Variants in PRSS23 observed in about 807,000 individuals in gnomAD.
PRSS23 encodes protease, serine 23.
PRSS23 carries 25 observed loss-of-function variants against 34.7 expected under a neutral mutation model. The observed-to-expected ratio is 0.72, with a 90% CI of 0.53 to 1.01. The LOEUF is 1.01. Among genes scored for constraint, PRSS23 ranks in the 50% least tolerant of loss-of-function variants. The pLI is 0.00. For missense variants in PRSS23, 445 were observed against 475.6 expected (o/e 0.94, Z 0.60); for synonymous variants, 176 against 186.6 (o/e 0.94, Z 0.46).
At chr11:86,952,425 T>C (rs1049798289) in exon 3 of PRSS23, 4 of 1,613,930 alleles carry the variant, frequency 2.5e-6, no homozygotes, top group African/African-American at 1.3e-5. Context: ...ATGGGGATGT[T>C]GATCTTCTCT....
At chr11:86,909,162 C>T (rs1948962084) in intron 2 of PRSS23, 1 of 152,162 alleles carries the variant, frequency 6.6e-6, no homozygotes, top group Admixed American at 6.5e-5. Flanking sequence ...CACAGCCTGC[C>T]TGGCCTTGTG....
intron 2 of PRSS23, chr11:86,892,266 G>C (rs1285641397): frequency 6.6e-6 from 1 of 152,230 alleles, no homozygotes; most frequent in Non-Finnish European, 1.5e-5. Flanking sequence ...TGGGACACTT[G>C]GTCATCTCTC....
rs561598053 is a variant in PRSS23 at position 86,860,243 on chromosome 11, T to C, written c.206+36650T>C. 4.6e-5 allele frequency among the ~76,000 whole-genome samples: 7 copies of C among 152,084 alleles called. No individual in the cohort carries two copies. In the East Asian group the frequency reaches 7.8e-4, roughly 17 times the overall value. ...ACCCCCTGTGATATTGTCGCTCATATCCAGTGAGGGAGAAAATAATATTAC... is the reference window on the plus strand; with the variant it reads ...ACCCCCTGTGATATTGTCGCTCATACCCAGTGAGGGAGAAAATAATATTAC... On this transcript the variant is annotated intron_variant, in intron 2 of 2. Coordinates refer to the PRSS23 transcript ENST00000533902.
exon 3 of PRSS23, chr11:86,952,123 G>A: frequency 6.2e-7 from 1 of 1,613,756 alleles, no homozygotes; most frequent in South Asian, 1.1e-5. Flanking sequence ...CTGAGCGGCT[G>A]TATAAGCCAG....
At position 86,875,358 on chromosome 11, in the gene PRSS23, C is replaced by T. The variant is rs535731317; in HGVS notation, c.206+51765C>T. On this transcript the variant is annotated intron_variant, in intron 2 of 2. Transcript: ENST00000533902. ...TGCACTCCAGCCTGGGCAACAAGAG[C>T]GAAACTCTGTCTCAAAAATATATAT... is the stretch of plus-strand genomic sequence containing the variant. 6.4e-4 allele frequency among the ~76,000 whole-genome samples: 97 copies of T among 151,958 alleles called. 1 individual carries two copies. The highest frequency in any genetic ancestry group is 4.8e-3 in the Admixed American group (74 of 15,264).
chr11:86,856,767 A>G (rs1948574466), intron 2 of PRSS23, among the ~76,000 whole-genome samples: 1 of 152,204 alleles, frequency 6.6e-6, no homozygotes. Flanking sequence ...TACTTCCTGT[A>G]TATAAAAAGA....
At chr11:86,799,035 A>G (rs1948000947), upstream of PRSS23, among the ~76,000 whole-genome samples, 1 of 152,244 alleles carries the variant, frequency 6.6e-6, no homozygotes, top group African/African-American at 2.4e-5. Flanking sequence ...AAAGAAAACA[A>G]TTGAAGCTAA....
chr11:86,822,345 G>C (rs1269109787), intron 1 of PRSS23, among the ~76,000 whole-genome samples: 1 of 152,152 alleles, frequency 6.6e-6, no homozygotes, highest in Non-Finnish European at 1.5e-5. Context: ...CTAGAGCCAG[G>C]CATGGTGGCT....
rs772097050 is a variant in PRSS23, at chr11:86,952,401, C to T, written c.*1116C>T. 9 of 1,614,070 alleles carry T rather than the reference C, an allele frequency of 5.6e-6. No homozygotes were observed. The highest frequency in any genetic ancestry group is 2.7e-5 in the African/African-American group (2 of 75,030). On this transcript the variant is annotated 3_prime_UTR_variant, in exon 3 of 3. Transcript: ENST00000533902. Reference sequence around the variant, plus strand: ...CGTCTCTTGACTGAAAGACACATGCCGCCGCATGGGCCAATGGGGATGTTG... The same window carrying T: ...CGTCTCTTGACTGAAAGACACATGCTGCCGCATGGGCCAATGGGGATGTTG...
chr11:86,798,574 T>C (rs1334260259), upstream of PRSS23, among the ~76,000 whole-genome samples: 1 of 152,226 alleles, frequency 6.6e-6, no homozygotes, highest in Non-Finnish European at 1.5e-5. Context: ...GCAATGCTGA[T>C]AGTAGTCCAG....
At chr11:86,853,251 T>C (rs1948544077) in intron 2 of PRSS23, among the ~76,000 whole-genome samples, 1 of 104,558 alleles carries the variant, frequency 9.6e-6, no homozygotes, top group Admixed American at 9.3e-5. Context: ...CCTTTTTTTT[T>C]TTTTTTTTTT....
intron 2 of PRSS23, among the ~76,000 whole-genome samples, chr11:86,913,820 T>C (rs2134996049): frequency 6.6e-6 from 1 of 151,426 alleles, no homozygotes; most frequent in African/African-American, 2.4e-5. Flanking sequence ...GACCAGAGGT[T>C]GAACCCTGGA....
chr11:86,828,072 C>T (rs1435006835), intron 2 of PRSS23, among the ~76,000 whole-genome samples: 2 of 152,204 alleles, frequency 1.3e-5, no homozygotes, highest in Non-Finnish European at 2.9e-5. Context: ...TCTCATTGAT[C>T]TGTCTAATGT....
intron 1 of PRSS23, among the ~76,000 whole-genome samples, chr11:86,806,412 A>T (rs1019043654): frequency 5.3e-5 from 8 of 152,224 alleles, no homozygotes; most frequent in Non-Finnish European, 7.3e-5. Flanking sequence ...TAGAGGGTAA[A>T]TTTAAATTAC....
intron 2 of PRSS23, among the ~76,000 whole-genome samples, chr11:86,907,055 TTTGTG>T (rs1948948200): frequency 6.6e-6 from 1 of 152,214 alleles, no homozygotes; most frequent in Admixed American, 6.5e-5. Context: ...GTTGTTTTTA[TTTGTG>T]TACATCCAGG....
At chr11:86,831,825 G>T (rs553661409) in intron 2 of PRSS23, among the ~76,000 whole-genome samples, 10 of 152,080 alleles carry the variant, frequency 6.6e-5, no homozygotes, top group African/African-American at 2.4e-4. Flanking sequence ...TATACACCCT[G>T]TCATATTATT....
At chr11:86,944,232 CCT>C (rs1949225480) in intron 2 of PRSS23, among the ~76,000 whole-genome samples, 1 of 151,672 alleles carries the variant, frequency 6.6e-6, no homozygotes, top group African/African-American at 2.4e-5. Flanking sequence ...ATGGCATTCT[CCT>C]CTCTGTGTCT....
intron 2 of PRSS23, among the ~76,000 whole-genome samples, chr11:86,928,897 T>C (rs1390895501): frequency 6.6e-6 from 1 of 151,832 alleles, no homozygotes. Flanking sequence ...ACTGAAATAA[T>C]GTTTTTCTGC....
intron 2 of PRSS23, among the ~76,000 whole-genome samples, chr11:86,852,403 G>A (rs1379664041): frequency 6.6e-6 from 1 of 152,098 alleles, no homozygotes; most frequent in East Asian, 1.9e-4. Context: ...AATAATGCAA[G>A]AAGAAGAGAA....
Sources: gnomAD v4.1 joint callset for allele counts (sites outside exome capture counted in the v4.1 genomes callset) on GRCh38, gnomAD v4.1.1 for gene constraint, MANE v1.5 for transcripts, NCBI Gene and HGNC (gene_info 2026-07-23, HGNC 2026-07-21) for gene names.